The following PDE7A variants were observed in gnomAD, a reference collection of about 807,000 sequenced individuals.
The protein encoded by PDE7A is high affinity 3',5'-cyclic-AMP phosphodiesterase 7A.
Under a neutral mutation model 64.3 loss-of-function variants are expected in PDE7A, and 39 were observed. That is an observed-to-expected ratio of 0.61 (90% CI 0.47 to 0.79). PDE7A has a LOEUF of 0.79. Ranked by LOEUF, PDE7A falls within the 30% of genes least tolerant of loss-of-function variation. The pLI is 0.00. For synonymous variants in PDE7A, 203 were observed against 206.8 expected, an observed-to-expected ratio of 0.98 and a Z score of 0.16; for missense variants, 470 against 582.8, an observed-to-expected ratio of 0.81 and a Z score of 1.99.
chr8:65,715,728 G>GTT lies in PDE7A; in HGVS notation c.*3561_*3562insAA, dbSNP rs1806106821. Among the ~76,000 whole-genome samples the GTT allele has an allele frequency of 6.9e-6, 1 of 145,328 alleles. No individual in the cohort carries two copies. Among genetic ancestry groups the GTT allele is most frequent in the African/African-American group, 2.5e-5 (1 of 39,980 alleles). ...TGGCCGGGCACGGTGGCTCACGCCT[G>GTT]TAATCCCAGCACTATGGGAGGCCGA... On this transcript the variant is annotated 3_prime_UTR_variant, in exon 13 of 13. Transcript: ENST00000401827.
At chr8:65,782,721 C>T (rs1809450148) in intron 2 of PDE7A, 62 bp downstream of exon 2, 2 of 888,616 alleles carry the variant, frequency 2.3e-6, no homozygotes, top group South Asian at 1.5e-5. Context: ...ATACCTCAAA[C>T]TCAAATAACA....
chr8:65,833,692 G>T (rs555564983), intron 1 of PDE7A, among the ~76,000 whole-genome samples: 1 of 152,084 alleles, frequency 6.6e-6, no homozygotes, highest in African/African-American at 2.4e-5. Context: ...GGCCAGGCAC[G>T]GTGGCTCATG....
chr8:65,783,016 C>T (rs924678561), intron 1 of PDE7A, among the ~76,000 whole-genome samples, 173 bp from the exon 2 acceptor site: 11 of 151,856 alleles, frequency 7.2e-5, no homozygotes, highest in South Asian at 2.1e-4. Context: ...GGTACGGGGA[C>T]GACAAATAAT....
At chr8:65,765,467 C>A (rs1359588072) in intron 3 of PDE7A, 1 of 104,030 alleles carries the variant, frequency 9.6e-6, no homozygotes, top group Admixed American at 1.6e-4. Flanking sequence ...CCAGCCTGGG[C>A]GACAGAGCGA....
intron 1 of PDE7A, among the ~76,000 whole-genome samples, chr8:65,814,898 A>G (rs1055302030): frequency 6.6e-6 from 1 of 152,090 alleles, no homozygotes; most frequent in Non-Finnish European, 1.5e-5. Flanking sequence ...CCTGGCCAAC[A>G]TGGTGAAACC....
chr8:65,727,756 G>C (rs1381600940), intron 7 of PDE7A: 2 of 153,908 alleles, frequency 1.3e-5, no homozygotes, highest in African/African-American at 4.8e-5. Flanking sequence ...AAGATGTAAG[G>C]TTATTCCTTT....
intron 7 of PDE7A, among the ~76,000 whole-genome samples, chr8:65,733,051 A>C (rs975859612): frequency 1.3e-5 from 2 of 152,194 alleles, no homozygotes; most frequent in Admixed American, 6.5e-5. Context: ...ATAAGGGAGA[A>C]GGGAAATGCC....
chr8:65,730,358 T>G (rs987452845), intron 7 of PDE7A, among the ~76,000 whole-genome samples: 6 of 151,092 alleles, frequency 4.0e-5, no homozygotes, highest in Non-Finnish European at 2.9e-5. Context: ...TTTTGTATTT[T>G]TAGTAGAGAC....
chr8:65,782,651 T>C, intron 2 of PDE7A, 132 bp downstream of exon 2: 1 of 593,648 alleles, frequency 1.7e-6, no homozygotes, highest in Non-Finnish European at 3.0e-6. Context: ...TTCCAGACTC[T>C]AAACTCCATG....
At chr8:65,764,624 A>C (rs902711820) in intron 3 of PDE7A, among the ~76,000 whole-genome samples, 2 of 152,182 alleles carry the variant, frequency 1.3e-5, no homozygotes, top group Non-Finnish European at 2.9e-5. Flanking sequence ...AACAGAATCT[A>C]CCCTTGTATG....
chr8:65,750,677 A>G (rs915237945), intron 3 of PDE7A, among the ~76,000 whole-genome samples: 2 of 152,108 alleles, frequency 1.3e-5, no homozygotes, highest in Non-Finnish European at 1.5e-5. Context: ...GGTTAAGTCA[A>G]TTGGTACTGT....
intron 3 of PDE7A, among the ~76,000 whole-genome samples, chr8:65,758,435 G>C (rs1585882239): frequency 6.6e-6 from 1 of 152,132 alleles, no homozygotes; most frequent in South Asian, 2.1e-4. Flanking sequence ...TGTTATACTA[G>C]TGCACTTCTC....
chr8:65,726,862 T>G lies in PDE7A; in HGVS notation c.920+13A>C. ...AACCAGTAACAAATTAAATTTGTCT[T>G]AATCCAACCTACCTGCTTTCTAATG... On this transcript the variant is annotated intron_variant, in intron 9 of 12. Transcript: ENST00000401827. 6.9e-7 allele frequency: 1 copy of G among 1,453,448 alleles called. No homozygotes were observed. The highest frequency in any genetic ancestry group is 9.6e-7 in the Non-Finnish European group (1 of 1,040,194). The allele number at this position is 1,453,448 out of a possible 1,614,324, so 90.0% of individuals were successfully genotyped here.
intron 1 of PDE7A, among the ~76,000 whole-genome samples, chr8:65,831,037 A>T (rs981451869): frequency 3.9e-5 from 6 of 152,136 alleles, no homozygotes; most frequent in Non-Finnish European, 8.8e-5. Flanking sequence ...TACATTTAAA[A>T]TTGTGATTTG....
At chr8:65,803,129 CAG>C (rs768709471) in intron 1 of PDE7A, among the ~76,000 whole-genome samples, 7 of 152,204 alleles carry the variant, frequency 4.6e-5, no homozygotes, top group Admixed American at 3.3e-4. Flanking sequence ...ATAAATTACT[CAG>C]ACTCAGGTAT....
intron 7 of PDE7A, among the ~76,000 whole-genome samples, chr8:65,729,662 C>A (rs543990410): frequency 6.6e-6 from 1 of 151,736 alleles, no homozygotes; most frequent in South Asian, 2.1e-4. Context: ...CTCCCAGGTT[C>A]AATCGATTCT....
chr8:65,773,023 G>A (rs1288242833), intron 3 of PDE7A, among the ~76,000 whole-genome samples: 2 of 151,886 alleles, frequency 1.3e-5, no homozygotes, highest in East Asian at 3.9e-4. Flanking sequence ...AAAAAATTAA[G>A]AAAAAGTTTT....
At chr8:65,798,179 C>CATATATATAT (rs1218978698) in intron 1 of PDE7A, among the ~76,000 whole-genome samples, 3 of 118,894 alleles carry the variant, frequency 2.5e-5, no homozygotes, top group African/African-American at 7.3e-5. Flanking sequence ...TGTGTGTGTG[C>CATATATATAT]ATATATATAT....
chr8:65,782,678 TACAA>T (rs559940797), intron 2 of PDE7A, 101 bp downstream of exon 2: 1 of 653,594 alleles, frequency 1.5e-6, no homozygotes, highest in South Asian at 1.9e-5. Flanking sequence ...TTATTTCTAC[TACAA>T]ACAGTGATGA....
Sources: allele counts gnomAD v4.1 joint callset (sites outside exome capture counted in the v4.1 genomes callset), GRCh38; gene constraint gnomAD v4.1.1; transcripts MANE v1.5; gene names NCBI Gene and HGNC (gene_info 2026-07-23, HGNC 2026-07-21).